TPH1: variants seen among roughly 807,000 people sequenced by gnomAD.
TPH1 encodes the protein tryptophan 5-hydroxylase 1.
TPH1 carries 37 observed loss-of-function variants against 49.5 expected under a neutral mutation model. That is an observed-to-expected ratio of 0.75 (90% CI 0.58 to 0.98). The LOEUF (loss-of-function observed/expected upper bound fraction) is 0.98. Among genes scored for constraint, TPH1 ranks in the 50% least tolerant of loss-of-function variants. The probability of loss-of-function intolerance (pLI) is 0.00; values close to 1 mark genes in which losing one functional copy is unlikely to be tolerated. For synonymous variants in TPH1, 160 were observed against 182.1 expected, an observed-to-expected ratio of 0.88 and a Z score of 0.98; for missense variants, 487 against 523.6, an observed-to-expected ratio of 0.93 and a Z score of 0.68.
intron 1 of TPH1, among the ~76,000 whole-genome samples, chr11:18,045,502 G>C (rs1696136487): frequency 6.6e-6 from 1 of 150,568 alleles, no homozygotes; most frequent in South Asian, 2.1e-4. Context: ...TAACTAACAG[G>C]CACAAACTTT....
intron 2 of TPH1, among the ~76,000 whole-genome samples, chr11:18,036,794 C>A (rs211107): frequency 0.36 from 54,815 of 151,988 alleles, 10,434 homozygotes; most frequent in East Asian, 0.51. Flanking sequence ...TCATCTAAAA[C>A]AATGAGAAGG....
At position 18,033,382 on chromosome 11, in the gene TPH1, A is replaced by G. The variant is rs765823365; in HGVS notation, c.302-8T>C. The G allele has an allele frequency of 6.3e-7, 1 of 1,586,134 alleles. No individual in the cohort carries two copies. The highest frequency in any genetic ancestry group is 1.7e-5 in the Admixed American group (1 of 59,840). On this transcript the variant is annotated splice_region_variant and splice_polypyrimidine_tract_variant and intron_variant, in intron 3 of 10. Coordinates refer to ENST00000682019, the MANE Select transcript of TPH1 (RefSeq NM_004179.3). The stretch of plus-strand genomic sequence containing the variant: ...AAGGAACAGTTTCCATACCTGTAAA[A>G]TTTAAAATAAAATAAAATAAAAACC...
Position 18,020,913 on chromosome 11 carries a change from A to G in TPH1, c.*78T>C. The G allele has an allele frequency of 2.2e-6, 3 of 1,341,598 alleles. No individual in the cohort carries two copies. The highest frequency in any genetic ancestry group is 3.2e-6 in the Non-Finnish European group (3 of 932,332). 83.1% of individuals were successfully genotyped at this position (1,341,598 alleles called of 1,614,324 possible). A position where few individuals can be genotyped will look rare whatever the true frequency, so the allele number is the denominator to read the frequency against. ...GGCCAGAAGATGCTGTCCCTCCAGGATCAGGTGTTCAAGGAAAGCAAGAGA... is the reference window on the plus strand; with the variant it reads ...GGCCAGAAGATGCTGTCCCTCCAGGGTCAGGTGTTCAAGGAAAGCAAGAGA... On this transcript the variant is annotated 3_prime_UTR_variant, in exon 11 of 11. Coordinates refer to ENST00000682019, the MANE Select transcript of TPH1 (RefSeq NM_004179.3).
intron 4 of TPH1, among the ~76,000 whole-genome samples, chr11:18,032,150 C>A (rs1206739630): frequency 2.0e-5 from 3 of 152,110 alleles, no homozygotes; most frequent in Admixed American, 2.0e-4. Context: ...GTCAGTTTAA[C>A]TTCACAATTG....
intron 1 of TPH1, chr11:18,041,006 C>T (rs1848094589): frequency 2.6e-6 from 1 of 386,864 alleles, no homozygotes; most frequent in Non-Finnish European, 4.7e-6. Context: ...TAGTAGTTCC[C>T]TTTTGTTTTT....
chr11:18,027,532 T>C (rs1160702816), intron 6 of TPH1, among the ~76,000 whole-genome samples: 2 of 152,246 alleles, frequency 1.3e-5, no homozygotes, highest in Non-Finnish European at 2.9e-5. Flanking sequence ...GTCTACCATA[T>C]TTAATAGTGC....
rs58938212 is a variant in TPH1, at chr11:18,018,177, CAAA to C, written c.*2811_*2813del. On this transcript the variant is annotated 3_prime_UTR_variant, in exon 11 of 11. Coordinates refer to ENST00000682019, the MANE Select transcript of TPH1 (RefSeq NM_004179.3). ...TGGGCAACAGAGTGAGACTCTGTCT[CAAA>C]AAAAAAAAAAAATTATAAACGAAGC... 77 of 148,314 alleles carry C rather than the reference CAAA, an allele frequency of 5.2e-4. No individual in the cohort carries two copies. Among genetic ancestry groups the C allele is most frequent in the Non-Finnish European group, 5.7e-4 (38 of 66,998 alleles). The allele number at this position is 148,314 out of a possible 1,614,324, so 9.2% of individuals were successfully genotyped here.
chr11:18,026,393 C>CAAAAAAAAAAAAA lies in TPH1; in HGVS notation c.803+84_803+96dup, dbSNP rs57335932. 23 of 588,762 alleles carry CAAAAAAAAAAAAA rather than the reference C, an allele frequency of 3.9e-5. 7 individuals are homozygous for CAAAAAAAAAAAAA. Among genetic ancestry groups the CAAAAAAAAAAAAA allele is most frequent in the African/African-American group, 2.4e-4 (7 of 28,900 alleles). 36.5% of individuals were successfully genotyped at this position (588,762 alleles called of 1,614,324 possible). Reference sequence around the variant, plus strand: ...GCTAATTTATTTAATCCTCGCACACCAAAAAAAAAAAAAAAAAAAAAAAAG... The same window carrying CAAAAAAAAAAAAA: ...GCTAATTTATTTAATCCTCGCACACCAAAAAAAAAAAAAAAAAAAAAAAAAAAAAAAAAAAAAG... On this transcript the variant is annotated intron_variant, in intron 7 of 10. Coordinates refer to ENST00000682019, the MANE Select transcript of TPH1 (RefSeq NM_004179.3).
chr11:18,033,540 TA>T (rs1410456024), intron 3 of TPH1, among the ~76,000 whole-genome samples, 166 bp from the exon 4 acceptor site: 2 of 152,236 alleles, frequency 1.3e-5, no homozygotes, highest in Non-Finnish European at 2.9e-5. Context: ...GCCCTATTTC[TA>T]AAAAGTAAAA....
chr11:18,028,498 G>A (rs1847951775), intron 6 of TPH1, among the ~76,000 whole-genome samples: 2 of 152,080 alleles, frequency 1.3e-5, no homozygotes, highest in Admixed American at 6.6e-5. Context: ...CTTTAGAGTC[G>A]CACAGTAATC....
At chr11:18,039,697 T>C (rs990472880) in intron 2 of TPH1, among the ~76,000 whole-genome samples, 1 of 152,186 alleles carries the variant, frequency 6.6e-6, no homozygotes, top group Non-Finnish European at 1.5e-5. Flanking sequence ...CCCACTAGAT[T>C]ACATACTCTG....
chr11:18,029,005 C>T (rs560308534), intron 6 of TPH1, among the ~76,000 whole-genome samples, 160 bp downstream of exon 6: 10 of 142,966 alleles, frequency 7.0e-5, no homozygotes, highest in African/African-American at 2.3e-4. Flanking sequence ...GCAGAGGCTG[C>T]AGTGACAGAG....
At chr11:18,026,435 G>T in intron 7 of TPH1, 55 bp downstream of exon 7, 1 of 1,241,762 alleles carries the variant, frequency 8.1e-7, no homozygotes, top group South Asian at 1.2e-5. Context: ...TAAGGTAGAT[G>T]CCATTATTAT....
chr11:18,040,840 G>A (rs1049831965), intron 1 of TPH1, 52 bp from the exon 2 acceptor site: 2 of 1,520,050 alleles, frequency 1.3e-6, no homozygotes, highest in South Asian at 1.2e-5. Context: ...GCACAATGCA[G>A]ACAATATTTG....
In TPH1 at chr11:18,036,047, T is replaced by C. The variant is rs768470232; in HGVS notation, c.213A>G (p.Glu71=). 1.9e-6 allele frequency: 3 copies of C among 1,612,672 alleles called. No homozygotes were observed. Among genetic ancestry groups the C allele is most frequent in the Admixed American group, 1.7e-5 (1 of 60,004 alleles). The part of the protein sequence containing the change: ...EIFVDCDINR[E]QLNDIFHLLK... ...GCAGATGAAAAATATCATTCAATTG[T>C]TCTCTGTTGATGTCACAGTCAACAA... Residue 71 remains glutamate, a synonymous_variant, in exon 3 of 11, where the codon GAA becomes GAG. Coordinates refer to ENST00000682019, the MANE Select transcript of TPH1 (RefSeq NM_004179.3).
In TPH1 at chr11:18,022,908, T is replaced by C. The variant is rs767210371; in HGVS notation, c.1050A>G (p.Lys350=). The C allele has an allele frequency of 1.2e-6, 2 of 1,613,474 alleles. No homozygotes were observed. The highest frequency in any genetic ancestry group is 2.7e-5 in the African/African-American group (2 of 74,914). ...ELKHALSGHA[K]VKPFDPKITC... ...TAATCTTGGGATCAAAGGGCTTTAC[T>C]TTGGCATGTCCAGAAAGTGCATGCT... Residue 350 remains lysine (K), a synonymous_variant, in exon 10 of 11, where the codon AAA becomes AAG. Coordinates refer to ENST00000682019, the MANE Select transcript of TPH1 (RefSeq NM_004179.3).
At chr11:18,032,736 C>A (rs1187131517) in intron 4 of TPH1, among the ~76,000 whole-genome samples, 1 of 151,164 alleles carries the variant, frequency 6.6e-6, no homozygotes, top group African/African-American at 2.4e-5. Context: ...TTAGTAGAGA[C>A]GGGGTCTCAC....
At chr11:18,034,268 C>T (rs1848022399) in intron 3 of TPH1, among the ~76,000 whole-genome samples, 1 of 152,178 alleles carries the variant, frequency 6.6e-6, no homozygotes, top group Non-Finnish European at 1.5e-5. Flanking sequence ...TAATCAAACT[C>T]CAGAGAGGTA....
intron 2 of TPH1, 46 bp from the exon 3 acceptor site, chr11:18,036,188 T>C: frequency 6.9e-7 from 1 of 1,447,448 alleles, no homozygotes. Flanking sequence ...GCCTCAAATG[T>C]TAATAGTCTT....
Sources: gnomAD v4.1 joint callset for allele counts (sites outside exome capture counted in the v4.1 genomes callset) on GRCh38, gnomAD v4.1.1 for gene constraint, MANE v1.5 for transcripts, NCBI Gene and HGNC (gene_info 2026-07-23, HGNC 2026-07-21) for gene names.